FBXL18: variants seen among roughly 807,000 people sequenced by gnomAD.
The protein encoded by FBXL18 is F-box and leucine rich repeat protein 18, also known as F-box/LRR-repeat protein 18.
In FBXL18, 36 loss-of-function variants were observed where a neutral mutation model predicts 46.0. The ratio of observed to expected loss-of-function variants is 0.78; its 90% CI spans 0.60 to 1.03. The LOEUF is 1.03. Among genes scored for constraint, FBXL18 ranks in the 50% least tolerant of loss-of-function variants. FBXL18 has a pLI of 0.00. For missense variants in FBXL18, 977 were observed against 1,004.1 expected (o/e 0.97, Z 0.36); for synonymous variants, 557 against 465.3 (o/e 1.20, Z -2.54).
intron 3 of FBXL18, chr7:5,495,840 A>G (rs560730191): frequency 1.0e-5 from 5 of 480,934 alleles, no homozygotes; most frequent in Middle Eastern, 3.2e-4. Context: ...AGCGTCTGGG[A>G]ACCGGCATTT....
At chr7:5,463,150 G>T (rs1783280844) in intron 4 of FBXL18, among the ~76,000 whole-genome samples, 1 of 150,674 alleles carries the variant, frequency 6.6e-6, no homozygotes, top group African/African-American at 2.4e-5. Flanking sequence ...ACAGAAAACA[G>T]CAAGTGTTGG....
chr7:5,500,411 C>T (rs1784202753), intron 3 of FBXL18, 77 bp downstream of exon 3: 2 of 1,372,546 alleles, frequency 1.5e-6, no homozygotes, highest in Non-Finnish European at 2.0e-6. Flanking sequence ...AGGCCAGCCA[C>T]CGAACTCCAC....
intron 3 of FBXL18, among the ~76,000 whole-genome samples, chr7:5,491,767 A>G (rs1011696352): frequency 2.0e-5 from 3 of 152,142 alleles, no homozygotes; most frequent in South Asian, 2.1e-4. Flanking sequence ...GTGCACCCCA[A>G]TGACCCCCAG....
chr7:5,463,669 C>T (rs1284575075), intron 4 of FBXL18, among the ~76,000 whole-genome samples: 1 of 141,838 alleles, frequency 7.1e-6, no homozygotes, highest in African/African-American at 2.7e-5. Flanking sequence ...GATTGCACAA[C>T]ATAAATGTGC....
rs1301284821 is a variant in FBXL18, at chr7:5,501,771, G to A, written c.498C>T (p.Cys166=). The part of the protein sequence containing the change: ...GFDASQLSSE[C]KATLSRVREL... ...CCCGCACGCGGCTCAGGGTGGCCTT[G>A]CACTCGCTGCTCAGCTGGCTGGCGT... Residue 166 remains cysteine (C), a synonymous_variant, in exon 3 of 5, where the codon TGC becomes TGT. Coordinates refer to ENST00000382368, the MANE Select transcript of FBXL18 (RefSeq NM_024963.6). 6.4e-7 allele frequency: 1 copy of A among 1,559,780 alleles called. No homozygotes were observed. Among genetic ancestry groups the A allele is most frequent in the Non-Finnish European group, 8.7e-7 (1 of 1,151,674 alleles).
At chr7:5,469,345 G>A (rs1411157611) in intron 4 of FBXL18, among the ~76,000 whole-genome samples, 1 of 152,226 alleles carries the variant, frequency 6.6e-6, no homozygotes, top group Admixed American at 6.5e-5. Flanking sequence ...TCCGGAGGTG[G>A]AGGTTGCAGT....
intron 1 of FBXL18, among the ~76,000 whole-genome samples, chr7:5,512,467 T>C (rs910426238): frequency 4.5e-4 from 69 of 151,914 alleles, no homozygotes; most frequent in Admixed American, 2.0e-4. Flanking sequence ...ATACAAAAAT[T>C]AGCCAGGTGT....
intron 3 of FBXL18, among the ~76,000 whole-genome samples, chr7:5,499,103 TG>T (rs1440511597): frequency 1.3e-5 from 2 of 152,178 alleles, no homozygotes; most frequent in Non-Finnish European, 2.9e-5. Flanking sequence ...CTCCCCGCTC[TG>T]GGATGGGTCC....
At chr7:5,490,228 C>T (rs545501400) in intron 4 of FBXL18, 119 of 1,328,934 alleles carry the variant, frequency 9.0e-5, no homozygotes, top group Middle Eastern at 6.5e-4. Context: ...GGGACACGAA[C>T]ACTCAGGGCG....
In FBXL18 at chr7:5,501,094, G is replaced by T; in HGVS notation, c.1175C>A (p.Ala392Asp). The T allele has an allele frequency of 6.2e-7, 1 of 1,612,354 alleles. No individual in the cohort carries two copies. Residue 392 changes from alanine to aspartate, a missense_variant, in exon 3 of 5, where the codon GCC (alanine) becomes GAC (aspartate). Physicochemically the swap from Ala to Asp is moderately radical, Grantham distance 126. Transcript: ENST00000382368. ...CCNLRHLNLS[A>D]AHHHSSEGLG... ...GCCCTCCGAGCTGTGGTGGTGGGCG[G>T]CCGAGAGGTTCAGGTGGCGCAGGTT...
intron 4 of FBXL18, among the ~76,000 whole-genome samples, chr7:5,457,299 G>C (rs914414513): frequency 1.3e-5 from 2 of 152,174 alleles, no homozygotes; most frequent in African/African-American, 4.8e-5. Context: ...TCATTCCCCT[G>C]GTCAGAGCAA....
At chr7:5,475,018 C>G (rs1004095638), downstream of FBXL18, among the ~76,000 whole-genome samples, 1 of 146,178 alleles carries the variant, frequency 6.8e-6, no homozygotes, top group African/African-American at 2.5e-5. This position sits in a 1 kb window ranked among gnomAD's most constrained non-coding sequence, Gnocchi z 4.2. Context: ...AAATTATGCA[C>G]TTTAAAATGG....
chr7:5,492,536 C>T (rs1439494386), intron 3 of FBXL18, among the ~76,000 whole-genome samples: 2 of 151,946 alleles, frequency 1.3e-5, no homozygotes, highest in Non-Finnish European at 2.9e-5. Flanking sequence ...GACTGAGCTG[C>T]GACGCCCCCC....
chr7:5,505,999 G>C (rs544641525), intron 1 of FBXL18, among the ~76,000 whole-genome samples: 3 of 152,134 alleles, frequency 2.0e-5, no homozygotes, highest in Admixed American at 2.0e-4. Flanking sequence ...CAAGCAGCTG[G>C]GACTACAGAC....
chr7:5,468,045 C>T (rs372365820), intron 4 of FBXL18, among the ~76,000 whole-genome samples: 6 of 150,844 alleles, frequency 4.0e-5, no homozygotes, highest in South Asian at 2.1e-4. Context: ...TGCAGTGGCA[C>T]GATCTCGGCT....
At chr7:5,468,364 G>A (rs1272108325) in intron 4 of FBXL18, among the ~76,000 whole-genome samples, 5 of 152,132 alleles carry the variant, frequency 3.3e-5, no homozygotes, top group South Asian at 2.1e-4. Context: ...TGATCTGCCC[G>A]CCTTGGCCTC....
intron 4 of FBXL18, among the ~76,000 whole-genome samples, chr7:5,482,660 C>A (rs1322275469): frequency 6.6e-6 from 1 of 152,072 alleles, no homozygotes; most frequent in African/African-American, 2.4e-5. Flanking sequence ...CAACCACAGT[C>A]CCCCAGCGGG....
chr7:5,505,322 A>C, intron 2 of FBXL18, 90 bp downstream of exon 2: 2 of 1,221,950 alleles, frequency 1.6e-6, no homozygotes, highest in Non-Finnish European at 2.3e-6. Context: ...CCTTTATATC[A>C]GCACACAGGG....
intron 4 of FBXL18, among the ~76,000 whole-genome samples, chr7:5,467,223 C>A (rs113783016): frequency 9.0e-4 from 137 of 152,162 alleles, no homozygotes; most frequent in African/African-American, 3.1e-3. Context: ...CGGTGGCGAG[C>A]GCCTGTAGTC....
Sources: gnomAD v4.1 joint callset for allele counts (sites outside exome capture counted in the v4.1 genomes callset) on GRCh38, gnomAD v4.1.1 for gene constraint, Gnocchi (gnomAD v3.1) non-coding constraint, MANE v1.5 for transcripts, NCBI Gene and HGNC (gene_info 2026-07-23, HGNC 2026-07-21) for gene names.